Variants in HMBOX1 observed in about 807,000 individuals in gnomAD.
The protein encoded by HMBOX1 is homeobox containing 1.
Under a neutral mutation model 54.5 loss-of-function variants are expected in HMBOX1, and 14 were observed. That is an observed-to-expected ratio of 0.26 (90% CI 0.17 to 0.40). The LOEUF is 0.40. HMBOX1 is among the 10% of genes least tolerant of loss of function. The pLI, the probability that HMBOX1 is intolerant of heterozygous loss-of-function variation, is 1.00. For missense variants in HMBOX1, 332 were observed against 514.4 expected (o/e 0.65, Z 3.43); for synonymous variants, 160 against 181.0 (o/e 0.88, Z 0.93).
At position 29,051,067 on chromosome 8, in the gene HMBOX1, T is replaced by G; in HGVS notation, c.1175T>G (p.Val392Gly). ...SDHQDPISLA[V>G]EMAAVNHTIL... is the part of the protein sequence containing the mutation. ...CACCAAGACCCCATCTCATTAGCTGTGGAAATGGCAGCAGTCAACCACACT... is the reference window on the plus strand; with the variant it reads ...CACCAAGACCCCATCTCATTAGCTGGGGAAATGGCAGCAGTCAACCACACT... The change falls in exon 10 of 10, where the codon GTG (valine) becomes GGG (glycine). Residue 392 changes from valine (V) to glycine (G), a missense_variant. Physicochemically the swap from Val to Gly is moderately radical, Grantham distance 109 (BLOSUM62 -3). Coordinates refer to ENST00000287701, the MANE Select transcript of HMBOX1 (RefSeq NM_001135726.3). 1 of 1,611,996 alleles carries G rather than the reference T, an allele frequency of 6.2e-7. No homozygotes were observed.
At chr8:29,031,256 C>T (rs899516611) in intron 6 of HMBOX1, among the ~76,000 whole-genome samples, 13 of 152,090 alleles carry the variant, frequency 8.5e-5, no homozygotes, top group African/African-American at 2.9e-4. Context: ...GGAAATTCAG[C>T]GAATGTTTTT....
In HMBOX1 at chr8:28,903,412, G is replaced by A. The variant is rs950116598; in HGVS notation, c.-58+12734G>A. Among the ~76,000 whole-genome samples, 9 of 152,188 alleles carry A rather than the reference G, an allele frequency of 5.9e-5. No homozygotes were observed. The South Asian group carries it at 1.9e-3, about 32-fold the overall frequency. ...CTGTGGTAAACATTGTTGTGAATGG[G>A]ACTAAGAAGGCAAGAGGTAATAAGC... On this transcript the variant is annotated intron_variant, in intron 1 of 9. Transcript: ENST00000287701.
At chr8:28,922,062 G>C (rs1277784122) in intron 1 of HMBOX1, among the ~76,000 whole-genome samples, 1 of 152,174 alleles carries the variant, frequency 6.6e-6, no homozygotes, top group Admixed American at 6.5e-5. Flanking sequence ...AATATAGTTG[G>C]TTCTGTATAT....
At position 29,045,371 on chromosome 8, in the gene HMBOX1, G is replaced by T; in HGVS notation, c.862G>T (p.Glu288Ter). ...CLAVMESYFN[E>*]NQYPDEAKRE... The stretch of plus-strand genomic sequence containing the variant: ...CGGTTGCCTCTGCAGTTACTTCAAT[G>T]AGAATCAATACCCAGATGAAGCAAA... The change falls in exon 7 of 10, where the codon GAG becomes TAG. Residue 288 changes from glutamate to a stop codon, truncating the protein, a stop_gained. Coordinates refer to ENST00000287701, the MANE Select transcript of HMBOX1 (RefSeq NM_001135726.3). LOFTEE classifies it high-confidence loss of function. 6.2e-7 allele frequency: 1 copy of T among 1,613,970 alleles called. No individual in the cohort carries two copies. The highest frequency in any genetic ancestry group is 1.1e-5 in the South Asian group (1 of 91,066).
chr8:28,939,491 T>G (rs1326006949), intron 1 of HMBOX1, among the ~76,000 whole-genome samples: 1 of 151,830 alleles, frequency 6.6e-6, no homozygotes, highest in African/African-American at 2.4e-5. Context: ...CTTGCTTTGT[T>G]TTTTGTTTAG....
At position 29,021,002 on chromosome 8, in the gene HMBOX1, C is replaced by G. The variant is rs532390303; in HGVS notation, c.851+2089C>G. On this transcript the variant is annotated intron_variant, in intron 6 of 9. Coordinates refer to ENST00000287701, the MANE Select transcript of HMBOX1 (RefSeq NM_001135726.3). ...CCAGCCTGGGCAACATAGCAAAACC[C>G]CATCTCTACAAAAAATTCAAAAAAT... Among the ~76,000 whole-genome samples the G allele has an allele frequency of 1.4e-4, 22 of 152,132 alleles. No individual in the cohort carries two copies. In the East Asian group the frequency reaches 4.2e-3, roughly 29 times the overall value.
At chr8:28,928,167 A>G (rs967653103) in intron 1 of HMBOX1, among the ~76,000 whole-genome samples, 3 of 152,086 alleles carry the variant, frequency 2.0e-5, no homozygotes, top group African/African-American at 7.2e-5. Flanking sequence ...ACTACCATAA[A>G]CAACTGTTCT....
At chr8:28,918,848 T>C (rs1403917581) in intron 1 of HMBOX1, among the ~76,000 whole-genome samples, 1 of 152,218 alleles carries the variant, frequency 6.6e-6, no homozygotes, top group East Asian at 1.9e-4. Context: ...ATTTATGATA[T>C]ATTATCAAAG....
At chr8:28,999,779 A>AT (rs1832369999) in intron 4 of HMBOX1, among the ~76,000 whole-genome samples, 1 of 151,884 alleles carries the variant, frequency 6.6e-6, no homozygotes, top group Non-Finnish European at 1.5e-5. Flanking sequence ...TTGGTAAGGC[A>AT]TTTTTCTCAT....
intron 1 of HMBOX1, among the ~76,000 whole-genome samples, chr8:28,898,576 G>A (rs930354593): frequency 3.9e-5 from 6 of 152,162 alleles, no homozygotes; most frequent in Admixed American, 1.3e-4. Flanking sequence ...TCAAGCTCTC[G>A]TTCTGGTGAT....
intron 1 of HMBOX1, among the ~76,000 whole-genome samples, chr8:28,956,895 C>T (rs1393882250): frequency 6.6e-6 from 1 of 152,110 alleles, no homozygotes; most frequent in Non-Finnish European, 1.5e-5. Context: ...TGAAAAAATG[C>T]TTATCATTAA....
intron 1 of HMBOX1, among the ~76,000 whole-genome samples, chr8:28,944,952 C>T (rs1430377109): frequency 6.6e-6 from 1 of 152,076 alleles, no homozygotes; most frequent in East Asian, 1.9e-4. Context: ...TGAGAGATAC[C>T]TGCCTAGCTC....
intron 1 of HMBOX1, among the ~76,000 whole-genome samples, chr8:28,894,346 A>G (rs1280015168): frequency 2.0e-5 from 3 of 152,152 alleles, no homozygotes; most frequent in East Asian, 1.9e-4. Context: ...CATGCCTCCC[A>G]TAAGAAAGAA....
chr8:29,008,964 G>A, intron 4 of HMBOX1, 108 bp from the exon 5 acceptor site: 1 of 757,118 alleles, frequency 1.3e-6, no homozygotes, highest in Non-Finnish European at 2.2e-6. Context: ...ACTTCCTTAT[G>A]GACTGGACAC....
chr8:29,002,304 T>TGGGAGAGA (rs1042769950), intron 4 of HMBOX1, among the ~76,000 whole-genome samples: 4 of 152,006 alleles, frequency 2.6e-5, no homozygotes, highest in Non-Finnish European at 4.4e-5. Context: ...GGTGGGGCAG[T>TGGGAGAGA]GGGAGAGAGG....
At chr8:28,941,622 T>G (rs888942952) in intron 1 of HMBOX1, among the ~76,000 whole-genome samples, 10 of 152,152 alleles carry the variant, frequency 6.6e-5, no homozygotes, top group Non-Finnish European at 4.4e-5. Flanking sequence ...CATAACTAAG[T>G]GTGTTGGTTC....
chr8:29,040,492 TTTAGA>T (rs1804656316), intron 6 of HMBOX1, among the ~76,000 whole-genome samples: 1 of 152,230 alleles, frequency 6.6e-6, no homozygotes, highest in South Asian at 2.1e-4. Context: ...ATTTTATCAG[TTTAGA>T]TTATACTGTA....
At chr8:29,040,014 G>A (rs145204886) in intron 6 of HMBOX1, among the ~76,000 whole-genome samples, 6 of 151,974 alleles carry the variant, frequency 3.9e-5, no homozygotes, top group South Asian at 2.1e-4. Context: ...TCATATTTTC[G>A]TCTTTACTGT....
chr8:28,894,271 C>T (rs192177439), intron 1 of HMBOX1, among the ~76,000 whole-genome samples: 1 of 152,202 alleles, frequency 6.6e-6, no homozygotes, highest in Admixed American at 6.5e-5. Flanking sequence ...ACCCACAATA[C>T]ACTCATACAT....
Sources: allele counts gnomAD v4.1 joint callset (sites outside exome capture counted in the v4.1 genomes callset), GRCh38; gene constraint gnomAD v4.1.1; transcripts MANE v1.5; gene names NCBI Gene and HGNC (gene_info 2026-07-23, HGNC 2026-07-21).